Variants in FRY observed in about 807,000 individuals in gnomAD.
FRY encodes the protein protein furry homolog.
Under a neutral mutation model 348.4 loss-of-function variants are expected in FRY, and 128 were observed. The ratio of observed to expected loss-of-function variants is 0.37; its 90% CI spans 0.32 to 0.43. The LOEUF (loss-of-function observed/expected upper bound fraction) is 0.43, where lower values mean the gene tolerates loss of function less well. Ranked by LOEUF, FRY falls within the 20% of genes least tolerant of loss-of-function variation. The probability of loss-of-function intolerance (pLI) is 1.00; values close to 1 mark genes in which losing one functional copy is unlikely to be tolerated. For missense variants in FRY, 2,736 were observed against 3,695.2 expected, an observed-to-expected ratio of 0.74 and a Z score of 6.73; for synonymous variants, 1,370 against 1,374.7, an observed-to-expected ratio of 1.00 and a Z score of 0.08.
intron 1 of FRY, among the ~76,000 whole-genome samples, chr13:32,049,814 G>A (rs1873228555): frequency 6.6e-6 from 1 of 151,960 alleles, no homozygotes. Flanking sequence ...ATCTTCCCTG[G>A]GTCCAGCCTG....
chr13:32,178,231 G>A lies in FRY; in HGVS notation c.2476G>A (p.Ala826Thr), dbSNP rs765492331. 33 of 1,613,944 alleles carry A rather than the reference G, an allele frequency of 2.0e-5. No homozygotes were observed. The highest frequency in any genetic ancestry group is 8.9e-5 in the East Asian group (4 of 44,894). Residue 826 changes from alanine (A) to threonine (T), a missense_variant, in exon 21 of 61, where the codon GCA becomes ACA. Ala to Thr is a moderately conservative substitution (Grantham distance 58). Coordinates refer to ENST00000542859, the MANE Select transcript of FRY (RefSeq NM_023037.3). ...TCTGCAGTGGTTGGTGGAATGGAAC[G>A]CAGTCCTGGTCAATAGCCATTATGA... is the stretch of plus-strand genomic sequence containing the variant. ...VDLQWLVEWN[A>T]VLVNSHYDVK...
chr13:32,061,907 G>A (rs190864554), intron 1 of FRY, among the ~76,000 whole-genome samples: 4 of 152,110 alleles, frequency 2.6e-5, no homozygotes, highest in African/African-American at 7.2e-5. Flanking sequence ...TTTGGATATC[G>A]GCTCTTTAAT....
rs780480156 is a variant in FRY, at chr13:32,278,459, TG to T, written c.8386-5del. The T allele has an allele frequency of 3.9e-6, 6 of 1,521,050 alleles. No individual in the cohort carries two copies. The African/African-American group carries it at 6.8e-5, about 17-fold the overall frequency. 94.2% of individuals were successfully genotyped at this position (1,521,050 alleles called of 1,614,324 possible). On this transcript the variant is annotated splice_polypyrimidine_tract_variant and splice_region_variant and intron_variant, in intron 57 of 60. Transcript: ENST00000542859. ...TTACCTATGTCTTTCCCTCTCTTTC[TG>T]ACAGTGGCTTGCAAATTGTAAGGCA...
intron 3 of FRY, among the ~76,000 whole-genome samples, chr13:32,114,059 G>T (rs186738719): frequency 2.9e-4 from 44 of 152,288 alleles, no homozygotes; most frequent in African/African-American, 1.0e-3. Context: ...TATGGAGAAT[G>T]GGGGTTCCAC....
At chr13:32,066,331 G>A (rs1874257388) in intron 1 of FRY, among the ~76,000 whole-genome samples, 1 of 152,186 alleles carries the variant, frequency 6.6e-6, no homozygotes, top group Non-Finnish European at 1.5e-5. Context: ...TTGAAAGCAT[G>A]ATGAATGTGG....
intron 40 of FRY, among the ~76,000 whole-genome samples, chr13:32,230,079 G>T (rs1385873292): frequency 6.6e-6 from 1 of 152,136 alleles, no homozygotes; most frequent in Non-Finnish European, 1.5e-5. Context: ...CACATTTTAA[G>T]TTCAAGGGTG....
At chr13:32,143,860 C>T (rs886582204) in intron 11 of FRY, among the ~76,000 whole-genome samples, 8 of 152,132 alleles carry the variant, frequency 5.3e-5, no homozygotes, top group African/African-American at 1.9e-4. Flanking sequence ...TCACTTAACT[C>T]TCATACATTC....
At chr13:32,205,475 A>G (rs529936701) in intron 31 of FRY, among the ~76,000 whole-genome samples, 2 of 152,316 alleles carry the variant, frequency 1.3e-5, no homozygotes, top group Non-Finnish European at 2.9e-5. Context: ...AGAGTTATAA[A>G]CTAGCATGAT....
chr13:32,248,145 ACTCATG>A (rs1886896970), intron 48 of FRY, among the ~76,000 whole-genome samples: 1 of 152,138 alleles, frequency 6.6e-6, no homozygotes, highest in South Asian at 2.1e-4. Context: ...TTACCCCATG[ACTCATG>A]AACCCCCAAA....
At position 32,244,167 on chromosome 13, in the gene FRY, T is replaced by C. The variant is rs1370721253; in HGVS notation, c.6813T>C (p.Ile2271=). Reference sequence around the variant, plus strand: ...TCAATGTGGAAGTTCTGAAGACAATTGAAAAATATGTGCAAGTGAGTACTT... The same window carrying C: ...TCAATGTGGAAGTTCTGAAGACAATCGAAAAATATGTGCAAGTGAGTACTT... The part of the protein sequence containing the change: ...KQFNVEVLKT[I]EKYVQSVHWR... The change falls in exon 47 of 61, where the codon ATT becomes ATC. Residue 2271 remains isoleucine, a synonymous_variant. Transcript: ENST00000542859. 1 of 1,613,754 alleles carries C rather than the reference T, an allele frequency of 6.2e-7. No individual in the cohort carries two copies.
rs1880688945 is a variant in FRY at position 32,149,786 on chromosome 13, T to C, written c.1431T>C (p.Asp477=). 1.2e-6 allele frequency: 2 copies of C among 1,611,060 alleles called. No homozygotes were observed. The highest frequency in any genetic ancestry group is 2.2e-5 in the South Asian group (2 of 91,000). Residue 477 remains aspartate, a synonymous_variant, in exon 14 of 61, where the codon GAT becomes GAC. Coordinates refer to ENST00000542859, the MANE Select transcript of FRY (RefSeq NM_023037.3). The part of the protein sequence containing the change: ...LDFAMKEIIF[D]FLCVGKPAKA... Reference sequence around the variant, plus strand: ...TTGCAATGAAAGAAATCATTTTCGATTTTCTTTGTGTGGGAAAACCAGCAA... The same window carrying C: ...TTGCAATGAAAGAAATCATTTTCGACTTTCTTTGTGTGGGAAAACCAGCAA...
intron 52 of FRY, 138 bp downstream of exon 52, chr13:32,261,954 C>G (rs184616101): frequency 6.2e-6 from 5 of 810,884 alleles, no homozygotes; most frequent in Non-Finnish European, 1.0e-5. Flanking sequence ...TGGTGTCATA[C>G]GGGTTCTAGC....
intron 17 of FRY, 72 bp downstream of exon 17, chr13:32,161,323 G>T: frequency 5.2e-6 from 5 of 959,172 alleles, no homozygotes; most frequent in Non-Finnish European, 8.6e-6. Context: ...AAAATAGAAT[G>T]GTAGTTTACA....
intron 3 of FRY, among the ~76,000 whole-genome samples, chr13:32,114,587 G>A (rs953835708): frequency 2.6e-5 from 4 of 152,004 alleles, no homozygotes; most frequent in East Asian, 1.9e-4. Context: ...CCTTAGATTC[G>A]GCAGATTTAC....
rs9567137 is a variant in FRY at position 32,091,838 on chromosome 13, G to T, written c.271-10125G>T. ...TCATTTTTTCTAAAAGATAGCTGAA[G>T]CTTAGAGAAGTTAAGAAAGGGCCAT... On this transcript the variant is annotated intron_variant, in intron 2 of 60. Coordinates refer to ENST00000542859, the MANE Select transcript of FRY (RefSeq NM_023037.3). Among the ~76,000 whole-genome samples the T allele has an allele frequency of 5.9e-3, 905 of 152,282 alleles. 25 individuals carry two copies. In the East Asian group the frequency reaches 0.064, roughly 11 times the overall value.
chr13:32,211,708 T>A (rs545883360), intron 34 of FRY, among the ~76,000 whole-genome samples: 3 of 152,252 alleles, frequency 2.0e-5, no homozygotes, highest in African/African-American at 7.2e-5. Context: ...TCACTTTTGG[T>A]TAATTGGTGT....
At chr13:32,061,158 G>A (rs1343902024) in intron 1 of FRY, 1 of 533,364 alleles carries the variant, frequency 1.9e-6, no homozygotes, top group South Asian at 1.4e-5. Flanking sequence ...TTCATAAAAG[G>A]GCTTGGTAGG....
At position 32,151,665 on chromosome 13, in the gene FRY, T is replaced by G. The variant is rs143712972; in HGVS notation, c.1479+1831T>G. Among the ~76,000 whole-genome samples, 738 of 152,356 alleles carry G rather than the reference T, an allele frequency of 4.8e-3. 17 individuals are homozygous for G. The highest frequency in any genetic ancestry group is 0.02 in the Admixed American group (308 of 15,308). On this transcript the variant is annotated intron_variant, in intron 14 of 60. Transcript: ENST00000542859. ...TTTCCAGGTAATTGTCTTGTTTTAG[T>G]GCACACCTGAATGACCTTCTATATC...
At position 32,071,526 on chromosome 13, in the gene FRY, G is replaced by T. The variant is rs144240494; in HGVS notation, c.71-7308G>T. On this transcript the variant is annotated intron_variant, in intron 1 of 60. Transcript: ENST00000542859. ...TTGGCTCTCTGTTTGTATGTTATTG[G>T]TATATAGGAATGCTTGTGATTTTTG... Among the ~76,000 whole-genome samples, 402 of 152,206 alleles carry T rather than the reference G, an allele frequency of 2.6e-3. 3 individuals are homozygous for T. Among genetic ancestry groups the T allele is most frequent in the African/African-American group, 9.3e-3 (386 of 41,528 alleles).
Sources: allele counts gnomAD v4.1 joint callset (sites outside exome capture counted in the v4.1 genomes callset), GRCh38; gene constraint gnomAD v4.1.1; transcripts MANE v1.5; gene names NCBI Gene and HGNC (gene_info 2026-07-23, HGNC 2026-07-21).